STARD13: variants seen among roughly 807,000 people sequenced by gnomAD.
The protein encoded by STARD13 is StAR related lipid transfer domain containing 13.
In STARD13, 62 loss-of-function variants were observed where a neutral mutation model predicts 106.4. The ratio of observed to expected loss-of-function variants is 0.58; its 90% CI spans 0.48 to 0.72. The LOEUF (loss-of-function observed/expected upper bound fraction) is 0.72. STARD13 is among the 30% of genes least tolerant of loss of function. The probability of loss-of-function intolerance (pLI) is 0.00; values close to 1 mark genes in which losing one functional copy is unlikely to be tolerated. For synonymous variants in STARD13, 565 were observed against 553.0 expected, an observed-to-expected ratio of 1.02 and a Z score of -0.31; for missense variants, 1,387 against 1,424.0, an observed-to-expected ratio of 0.97 and a Z score of 0.42.
chr13:33,311,524 T>C (rs1454137297), intron 1 of STARD13, among the ~76,000 whole-genome samples: 1 of 152,234 alleles, frequency 6.6e-6, no homozygotes, highest in Non-Finnish European at 1.5e-5. Context: ...AGCTTCTGTT[T>C]CTTTATTTGC....
intron 1 of STARD13, among the ~76,000 whole-genome samples, chr13:33,324,496 C>G (rs1893669385): frequency 6.6e-6 from 1 of 152,220 alleles, no homozygotes; most frequent in African/African-American, 2.4e-5. Flanking sequence ...ACAAAACCAA[C>G]AGCTGATGTC....
intron 1 of STARD13, among the ~76,000 whole-genome samples, chr13:33,306,959 A>G (rs1391617689): frequency 9.8e-6 from 1 of 101,540 alleles, no homozygotes; most frequent in Admixed American, 1.1e-4. Flanking sequence ...CAAAAAAGAA[A>G]CAAAAAAAAA....
At chr13:33,191,189 A>G (rs577450646) in intron 1 of STARD13, among the ~76,000 whole-genome samples, 2 of 152,184 alleles carry the variant, frequency 1.3e-5, no homozygotes, top group Non-Finnish European at 2.9e-5. Flanking sequence ...TTGGCCCACT[A>G]TGGATTATTA....
chr13:33,650,164 A>ATGTTTT, the STARD13 span, among the ~76,000 whole-genome samples: 27 of 48,376 alleles, frequency 5.6e-4, 6 homozygotes, highest in Admixed American at 5.0e-3. Flanking sequence ...CGTGACTCCA[A>ATGTTTT]TTTTTTTTTT....
intron 1 of STARD13, chr13:33,281,376 T>C (rs1033838472): frequency 2.0e-5 from 3 of 152,002 alleles, no homozygotes; most frequent in Admixed American, 1.3e-4. Flanking sequence ...ATCACATTTA[T>C]GTTTCTACTT....
chr13:33,368,010 G>C, the STARD13 span, among the ~76,000 whole-genome samples: 1 of 152,068 alleles, frequency 6.6e-6, no homozygotes, highest in African/African-American at 2.4e-5. Context: ...CCAGCTTCCC[G>C]ATAATGTGGT....
chr13:33,132,627 G>A (rs1878480453), intron 4 of STARD13, among the ~76,000 whole-genome samples: 1 of 152,070 alleles, frequency 6.6e-6, no homozygotes, highest in Non-Finnish European at 1.5e-5. Flanking sequence ...GAGGTGGAAG[G>A]GTCTTTTGAG....
chr13:33,294,609 CT>C (rs1447590226), intron 1 of STARD13, among the ~76,000 whole-genome samples: 1 of 152,114 alleles, frequency 6.6e-6, no homozygotes, highest in Non-Finnish European at 1.5e-5. Context: ...AATTTACTAT[CT>C]GGTATTTTCT....
At chr13:33,278,096 C>T (rs9563287) in intron 1 of STARD13, among the ~76,000 whole-genome samples, 42,045 of 151,936 alleles carry the variant, frequency 0.28, 6,361 homozygotes, top group East Asian at 0.7. Flanking sequence ...AAATGTGTTC[C>T]CCAGGGAAAG....
At chr13:33,669,686 C>T in the STARD13 span, among the ~76,000 whole-genome samples, 1 of 151,906 alleles carries the variant, frequency 6.6e-6, no homozygotes, top group Non-Finnish European at 1.5e-5. Flanking sequence ...CAGGCACCTG[C>T]CACCGCACCC....
chr13:33,494,863 G>T, the STARD13 span, among the ~76,000 whole-genome samples: 1 of 151,950 alleles, frequency 6.6e-6, no homozygotes, highest in Non-Finnish European at 1.5e-5. Flanking sequence ...ACCAAAAAAA[G>T]AAATAACTAG....
chr13:33,334,777 G>A (rs2077875437), intron 1 of STARD13, among the ~76,000 whole-genome samples: 1 of 152,182 alleles, frequency 6.6e-6, no homozygotes. Context: ...TCCAATAACT[G>A]ATGGAAGGAC....
intron 1 of STARD13, among the ~76,000 whole-genome samples, chr13:33,200,651 ACT>A (rs1271224449): frequency 1.3e-4 from 20 of 151,988 alleles, no homozygotes; most frequent in African/African-American, 4.6e-4. Flanking sequence ...TAAACAGTGA[ACT>A]CTCTGAAGCA....
At chr13:33,518,638 T>TG in the STARD13 span, among the ~76,000 whole-genome samples, 3 of 150,812 alleles carry the variant, frequency 2.0e-5, no homozygotes, top group Non-Finnish European at 4.4e-5. Flanking sequence ...TTGGGGAGGG[T>TG]GGGGAGGATG....
At chr13:33,663,394 A>G in the STARD13 span, among the ~76,000 whole-genome samples, 1 of 152,252 alleles carries the variant, frequency 6.6e-6, no homozygotes, top group African/African-American at 2.4e-5. Flanking sequence ...TACTGTAAGA[A>G]AATGAAATGC....
chr13:33,478,240 C>CT, the STARD13 span, among the ~76,000 whole-genome samples: 2 of 152,166 alleles, frequency 1.3e-5, no homozygotes, highest in Non-Finnish European at 2.9e-5. Context: ...CAGTGATTGG[C>CT]TTTCTATGCA....
the STARD13 span, among the ~76,000 whole-genome samples, chr13:33,435,167 G>A: frequency 6.6e-6 from 1 of 152,162 alleles, no homozygotes; most frequent in Admixed American, 6.5e-5. Flanking sequence ...TTTGTTAGTA[G>A]GGCAGGTTCC....
At chr13:33,391,401 G>C in the STARD13 span, among the ~76,000 whole-genome samples, 59 of 152,310 alleles carry the variant, frequency 3.9e-4, no homozygotes, top group East Asian at 4.4e-3. Context: ...TGCTTTGCAA[G>C]TAGGAACATT....
intron 1 of STARD13, among the ~76,000 whole-genome samples, chr13:33,181,711 C>T (rs543419958): frequency 2.7e-4 from 41 of 152,214 alleles, no homozygotes; most frequent in African/African-American, 8.7e-4. Context: ...CATGGCTATT[C>T]GTGGGCAGCA....
Sources: allele counts gnomAD v4.1 joint callset (sites outside exome capture counted in the v4.1 genomes callset), GRCh38; gene constraint gnomAD v4.1.1; transcripts MANE v1.5; gene names NCBI Gene and HGNC (gene_info 2026-07-23, HGNC 2026-07-21).